JMJD1C: variants seen among roughly 807,000 people sequenced by gnomAD.
JMJD1C encodes jumonji domain containing 1C.
A neutral mutation model predicts 245.3 loss-of-function variants in JMJD1C; 31 were observed. The observed-to-expected ratio is 0.13, with a 90% CI of 0.09 to 0.17. The LOEUF (loss-of-function observed/expected upper bound fraction) is 0.17, where lower values mean the gene tolerates loss of function less well. Among genes scored for constraint, JMJD1C ranks in the 10% least tolerant of loss-of-function variants. The probability of loss-of-function intolerance (pLI) is 1.00; values close to 1 mark genes in which losing one functional copy is unlikely to be tolerated. For synonymous variants in JMJD1C, 1,057 were observed against 1,017.4 expected, an observed-to-expected ratio of 1.04 and a Z score of -0.74; for missense variants, 2,691 against 3,000.2, an observed-to-expected ratio of 0.90 and a Z score of 2.41.
chr10:63,264,573 A>T, intron 3 of JMJD1C, 78 bp downstream of exon 3: 1 of 666,152 alleles, frequency 1.5e-6, no homozygotes, highest in Non-Finnish European at 2.5e-6. Context: ...TATTTAAAGA[A>T]TATTGTTTAA....
chr10:63,306,017 C>T (rs192896792), intron 2 of JMJD1C, among the ~76,000 whole-genome samples: 5 of 152,062 alleles, frequency 3.3e-5, no homozygotes, highest in African/African-American at 1.2e-4. Flanking sequence ...GCTACTGTGC[C>T]CGGTAGAGAC....
At chr10:63,497,845 C>T (rs1954411088) in intron 1 of JMJD1C, among the ~76,000 whole-genome samples, 1 of 152,144 alleles carries the variant, frequency 6.6e-6, no homozygotes, top group South Asian at 2.1e-4. Context: ...TTAGAGAAAA[C>T]ATCAGAATAA....
At position 63,380,336 on chromosome 10, in the gene JMJD1C, C is replaced by T. The variant is rs780457743; in HGVS notation, c.315G>A (p.Gln105=). The T allele has an allele frequency of 6.2e-7, 1 of 1,614,008 alleles. No individual in the cohort carries two copies. Among genetic ancestry groups the T allele is most frequent in the South Asian group, 1.1e-5 (1 of 91,078 alleles). The stretch of plus-strand genomic sequence containing the variant: ...ATCTTACCAATGCAGGCCACTGAAT[C>T]TGTTTGCTCTTTGATCCCTGAGTCT... ...PSQTQGSKSK[Q]IQWPALTFKP... is the part of the protein sequence containing the mutation. The change falls in exon 2 of 26, where the codon CAG becomes CAA. Residue 105 remains glutamine, a synonymous_variant. Coordinates refer to ENST00000399262, the MANE Select transcript of JMJD1C (RefSeq NM_032776.3).
At chr10:63,297,191 C>T (rs1361363874) in intron 2 of JMJD1C, among the ~76,000 whole-genome samples, 1 of 152,232 alleles carries the variant, frequency 6.6e-6, no homozygotes, top group African/African-American at 2.4e-5. Context: ...CCAGGGATGG[C>T]CTGAAGCCTG....
At position 63,214,755 on chromosome 10, in the gene JMJD1C, G is replaced by C. The variant is rs1286273461; in HGVS notation, c.1412C>G (p.Ser471Cys). Residue 471 changes from serine (S) to cysteine (C), a missense_variant, in exon 8 of 26, where the codon TCT becomes TGT. Physicochemically the swap from Ser to Cys is moderately radical, Grantham distance 112. Coordinates refer to ENST00000399262, the MANE Select transcript of JMJD1C (RefSeq NM_032776.3). Reference sequence around the variant, plus strand: ...AAGTAAATCATTAGAATTATGATCAGAAACTGTGGACTGTTCTGACGAATG... The same window carrying C: ...AAGTAAATCATTAGAATTATGATCACAAACTGTGGACTGTTCTGACGAATG... ...IIHSSEQSTV[S>C]DHNSNDLLPQ... is the part of the protein sequence containing the mutation. 1 of 1,613,800 alleles carries C rather than the reference G, an allele frequency of 6.2e-7. No homozygotes were observed. The highest frequency in any genetic ancestry group is 8.5e-7 in the Non-Finnish European group (1 of 1,179,876).
intron 3 of JMJD1C, among the ~76,000 whole-genome samples, chr10:63,235,844 G>C (rs10761729): frequency 0.43 from 64,934 of 151,938 alleles, 14,510 homozygotes; most frequent in South Asian, 0.53. Context: ...CTCTCTGCTA[G>C]GTTTTCAATA....
chr10:63,244,218 C>G (rs1257462779), intron 3 of JMJD1C, among the ~76,000 whole-genome samples: 2 of 152,104 alleles, frequency 1.3e-5, no homozygotes, highest in Non-Finnish European at 2.9e-5. Context: ...AGATTAGTTC[C>G]ACAGGTACCC....
At chr10:63,421,538 T>TTC (rs1226756315) in intron 1 of JMJD1C, among the ~76,000 whole-genome samples, 2 of 152,154 alleles carry the variant, frequency 1.3e-5, no homozygotes, top group Non-Finnish European at 2.9e-5. Flanking sequence ...GAATGATTAG[T>TTC]TGAGTTGTAC....
At chr10:63,482,123 T>G (rs555476375) in intron 1 of JMJD1C, among the ~76,000 whole-genome samples, 2 of 152,304 alleles carry the variant, frequency 1.3e-5, no homozygotes, top group South Asian at 2.1e-4. Context: ...TCTCCAAAGT[T>G]GTTTCAATCA....
intron 24 of JMJD1C, among the ~76,000 whole-genome samples, chr10:63,170,452 A>G (rs556887329): frequency 1.3e-5 from 2 of 152,226 alleles, no homozygotes; most frequent in South Asian, 2.1e-4. Context: ...GACTTTTCCA[A>G]ACTGTTTTTG....
chr10:63,226,918 T>G (rs1038866562), intron 3 of JMJD1C, among the ~76,000 whole-genome samples: 8 of 150,664 alleles, frequency 5.3e-5, no homozygotes. Flanking sequence ...ACAAAAAAAA[T>G]GTATTTAGGT....
intron 2 of JMJD1C, among the ~76,000 whole-genome samples, chr10:63,270,500 T>C (rs1313712031): frequency 1.3e-5 from 2 of 151,678 alleles, no homozygotes; most frequent in South Asian, 2.1e-4. Flanking sequence ...AGGATTTTGC[T>C]CTGTTGCCCA....
upstream of JMJD1C, among the ~76,000 whole-genome samples, chr10:63,468,484 C>T (rs1254582050): frequency 6.6e-6 from 1 of 152,220 alleles, no homozygotes; most frequent in East Asian, 1.9e-4. Context: ...GGTTTTGAAA[C>T]TTCAGAATAT....
chr10:63,305,199 T>C (rs1937864801), intron 2 of JMJD1C, among the ~76,000 whole-genome samples: 1 of 151,408 alleles, frequency 6.6e-6, no homozygotes, highest in Non-Finnish European at 1.5e-5. Flanking sequence ...AAACCCCGTC[T>C]CTACTAAAAA....
At chr10:63,415,228 G>A (rs1361955134) in intron 1 of JMJD1C, among the ~76,000 whole-genome samples, 5 of 151,512 alleles carry the variant, frequency 3.3e-5, no homozygotes, top group Non-Finnish European at 5.9e-5. Context: ...CTACGTATCA[G>A]ATATACCTCA....
At chr10:63,236,649 C>T (rs909995704) in intron 3 of JMJD1C, among the ~76,000 whole-genome samples, 4 of 152,110 alleles carry the variant, frequency 2.6e-5, no homozygotes, top group Non-Finnish European at 5.9e-5. Flanking sequence ...CTCAGGAAGG[C>T]CTGGGAACTG....
chr10:63,244,435 T>C (rs1851906264), intron 3 of JMJD1C, among the ~76,000 whole-genome samples: 1 of 152,000 alleles, frequency 6.6e-6, no homozygotes, highest in South Asian at 2.1e-4. Context: ...AGCAAAAATA[T>C]CTAATTAAAG....
chr10:63,380,786 A>T (rs1200646178), intron 1 of JMJD1C, among the ~76,000 whole-genome samples: 1 of 152,208 alleles, frequency 6.6e-6, no homozygotes, highest in Non-Finnish European at 1.5e-5. Context: ...TAATTGTAGG[A>T]AGCAGAAAGG....
chr10:63,330,857 C>A (rs1466803781), intron 2 of JMJD1C, among the ~76,000 whole-genome samples: 1 of 152,154 alleles, frequency 6.6e-6, no homozygotes, highest in Non-Finnish European at 1.5e-5. Flanking sequence ...AGCACTTACT[C>A]CAAAAGACTT....
Sources: gnomAD v4.1 joint callset for allele counts (sites outside exome capture counted in the v4.1 genomes callset) on GRCh38, gnomAD v4.1.1 for gene constraint, MANE v1.5 for transcripts, NCBI Gene and HGNC (gene_info 2026-07-23, HGNC 2026-07-21) for gene names.